FBXO46: variants seen among roughly 807,000 people sequenced by gnomAD.
FBXO46 encodes F-box only protein 46.
In FBXO46, 13 loss-of-function variants were observed where a neutral mutation model predicts 30.7. That is an observed-to-expected ratio of 0.42 (90% confidence interval 0.28 to 0.67). The LOEUF (loss-of-function observed/expected upper bound fraction) is 0.67, where lower values mean the gene tolerates loss of function less well. Among genes scored for constraint, FBXO46 ranks in the 30% least tolerant of loss-of-function variants. FBXO46 has a pLI of 0.21. For missense variants in FBXO46, 754 were observed against 871.5 expected (o/e 0.87, Z 1.70); for synonymous variants, 467 against 385.8 (o/e 1.21, Z -2.47).
At chr19:45,717,279 G>T (rs901285438) in intron 1 of FBXO46, 2 of 151,404 alleles carry the variant, frequency 1.3e-5, no homozygotes, top group African/African-American at 4.9e-5. Context: ...AGCCCCCCCA[G>T]GCGGCGGGAG....
At position 45,713,634 on chromosome 19, in the gene FBXO46, C is replaced by T; in HGVS notation, c.-78-61G>A. ...GACAGCCTTTCTTCCCAGGACCACC[C>T]CAACCTCCACCTCTCCTTAGACCAA... is the stretch of plus-strand genomic sequence containing the variant. On this transcript the variant is annotated intron_variant, in intron 1 of 1. Transcript: ENST00000317683. This position sits in a 1 kb window ranked among gnomAD's most constrained non-coding sequence, Gnocchi z 4.7. 1 of 669,212 alleles carries T rather than the reference C, an allele frequency of 1.5e-6. No homozygotes were observed. The highest frequency in any genetic ancestry group is 2.5e-6 in the Non-Finnish European group (1 of 392,982). 41.5% of individuals were successfully genotyped at this position (669,212 alleles called of 1,614,324 possible).
At chr19:45,732,266 C>G (rs1373743475), upstream of FBXO46, among the ~76,000 whole-genome samples, 1 of 152,068 alleles carries the variant, frequency 6.6e-6, no homozygotes, top group African/African-American at 2.4e-5. Flanking sequence ...ACAGACAACC[C>G]TGGTAGGAAT....
chr19:45,731,822 TTAAAA>T (rs955528270), upstream of FBXO46, among the ~76,000 whole-genome samples: 4 of 150,580 alleles, frequency 2.7e-5, no homozygotes, highest in African/African-American at 7.3e-5. Flanking sequence ...CTGCTGCCTC[TTAAAA>T]TAAAAGAAGG....
intron 1 of FBXO46, among the ~76,000 whole-genome samples, chr19:45,722,787 G>A (rs1968190850): frequency 6.6e-6 from 1 of 151,108 alleles, no homozygotes; most frequent in African/African-American, 2.4e-5. Flanking sequence ...TGGGCTGGGT[G>A]TGATGACTCA....
rs1006332274 is a variant in FBXO46 at position 45,712,760 on chromosome 19, G to A, written c.736C>T (p.Leu246Phe). 6.2e-7 allele frequency: 1 copy of A among 1,610,998 alleles called. No homozygotes were observed. The highest frequency in any genetic ancestry group is 8.5e-7 in the Non-Finnish European group (1 of 1,178,550). ...AQRDSPPTKG[L>F]RKEERPGPGP... The stretch of plus-strand genomic sequence containing the variant: ...GGCCCGGGCCGCTCTTCCTTGCGGA[G>A]GCCCTTGGTGGGAGGGCTGTCCCTC... The change falls in exon 2 of 2, where the codon CTC becomes TTC. Residue 246 changes from leucine (L) to phenylalanine (F), a missense_variant. By Grantham distance (22) the Leu-to-Phe change is conservative. Around this residue, in one of 5 missense-constraint regions of FBXO46, gnomAD observed 454 missense variants for 426.5 expected, o/e 1.06. Transcript: ENST00000317683. The surrounding 1 kb of genome is among the most constrained non-coding windows in gnomAD (Gnocchi z 8.8).
chr19:45,722,898 C>CA (rs1372852181), intron 1 of FBXO46, among the ~76,000 whole-genome samples: 1 of 151,674 alleles, frequency 6.6e-6, no homozygotes. Flanking sequence ...ACTAAAAATA[C>CA]AAAAAATTAG....
intron 1 of FBXO46, among the ~76,000 whole-genome samples, chr19:45,721,543 G>C (rs1168514061): frequency 7.0e-6 from 1 of 143,650 alleles, no homozygotes; most frequent in Non-Finnish European, 1.5e-5. Flanking sequence ...TTTCGTTCCT[G>C]GTCCTGTTCC....
intron 1 of FBXO46, among the ~76,000 whole-genome samples, chr19:45,714,230 G>A (rs1010302885): frequency 1.3e-5 from 2 of 152,126 alleles, no homozygotes; most frequent in African/African-American, 2.4e-5. Context: ...TGCTCACTCA[G>A]TAGCTCGTTC....
chr19:45,725,709 G>A (rs1436841412), intron 1 of FBXO46, among the ~76,000 whole-genome samples: 1 of 151,884 alleles, frequency 6.6e-6, no homozygotes, highest in African/African-American at 2.4e-5. Flanking sequence ...ACTCCAACCT[G>A]GGCAATAGAG....
At chr19:45,730,269 G>A (rs937125945) in intron 1 of FBXO46, among the ~76,000 whole-genome samples, 1 of 151,982 alleles carries the variant, frequency 6.6e-6, no homozygotes, top group Admixed American at 6.6e-5. Flanking sequence ...CCAGCTTACC[G>A]GGAGTCTCTG....
intron 1 of FBXO46, among the ~76,000 whole-genome samples, chr19:45,725,596 TG>T (rs1968227900): frequency 6.6e-6 from 1 of 151,864 alleles, no homozygotes; most frequent in African/African-American, 2.4e-5. Flanking sequence ...TAGCCGGGCA[TG>T]GTGGTGTGCG....
intron 1 of FBXO46, among the ~76,000 whole-genome samples, chr19:45,729,511 G>A (rs1264749867): frequency 2.6e-5 from 4 of 152,202 alleles, no homozygotes; most frequent in Admixed American, 6.5e-5. Flanking sequence ...TGCTTTGTTC[G>A]CTGTCTCTAC....
rs1968044795 is a variant in FBXO46 at position 45,713,909 on chromosome 19, A to G, written c.-78-336T>C. The stretch of plus-strand genomic sequence containing the variant: ...CTTGAACCTGGGAGGTGGAGGTTGC[A>G]GCGAGACCAGATGGCACCATTACAC... On this transcript the variant is annotated intron_variant, in intron 1 of 1. Transcript: ENST00000317683. The surrounding 1 kb of genome is among the most constrained non-coding windows in gnomAD (Gnocchi z 4.7). 6.8e-6 allele frequency among the ~76,000 whole-genome samples: 1 copy of G among 147,868 alleles called. No homozygotes were observed. The highest frequency in any genetic ancestry group is 2.5e-5 in the African/African-American group (1 of 39,856).
chr19:45,713,400 G>C lies in FBXO46; in HGVS notation c.96C>G (p.Leu32=), dbSNP rs1804264756. The C allele has an allele frequency of 1.2e-6, 2 of 1,609,742 alleles. No individual in the cohort carries two copies. Among genetic ancestry groups the C allele is most frequent in the Non-Finnish European group, 1.7e-6 (2 of 1,176,870 alleles). ...CAGGCTCAGGGCAGGCTGATGGCTT[G>C]AGGGCCGCAGAAGGCGGGCGTGGCT... ...QNQPRPPSAA[L]KPSACPEPGG... is the part of the protein sequence containing the mutation. The change falls in exon 2 of 2, where the codon CTC becomes CTG. Residue 32 remains leucine (L), a synonymous_variant. Coordinates refer to ENST00000317683, the MANE Select transcript of FBXO46 (RefSeq NM_001080469.2). This position sits in a 1 kb window ranked among gnomAD's most constrained non-coding sequence, Gnocchi z 4.7.
chr19:45,712,269 G>A lies in FBXO46; in HGVS notation c.1227C>T (p.Phe409=), dbSNP rs1967990274. Residue 409 remains phenylalanine (F), a synonymous_variant, in exon 2 of 2, where the codon TTC becomes TTT. Transcript: ENST00000317683. The surrounding 1 kb of genome is among the most constrained non-coding windows in gnomAD (Gnocchi z 8.8). ...PEEPPPPGQL[F]FLQNRGPDGP... ...CGTCCGGCCCGCGGTTCTGGAGAAA[G>A]AAGAGCTGGCCCGGAGGCGGCGGTT... 1.2e-6 allele frequency: 2 copies of A among 1,604,638 alleles called. No individual in the cohort carries two copies. Among genetic ancestry groups the A allele is most frequent in the Non-Finnish European group, 8.5e-7 (1 of 1,179,470 alleles).
At position 45,710,995 on chromosome 19, in the gene FBXO46, C is replaced by T. The variant is rs761105669; in HGVS notation, c.*689G>A. 12 of 230,690 alleles carry T rather than the reference C, an allele frequency of 5.2e-5. No individual in the cohort carries two copies. In the South Asian group the frequency reaches 5.5e-4, roughly 11 times the overall value. The allele number at this position is 230,690 out of a possible 1,614,324, so 14.3% of individuals were successfully genotyped here. ...TTGATGGCAGTAGCTTAAATAATAA[C>T]GGGAGGAGGAGGGTTTTTATACTTC... is the stretch of plus-strand genomic sequence containing the variant. On this transcript the variant is annotated 3_prime_UTR_variant, in exon 2 of 2. Coordinates refer to ENST00000317683, the MANE Select transcript of FBXO46 (RefSeq NM_001080469.2).
intron 1 of FBXO46, chr19:45,715,446 A>T (rs777196683): frequency 3.3e-5 from 5 of 152,202 alleles, no homozygotes; most frequent in Non-Finnish European, 7.3e-5. Flanking sequence ...AGCTTAAAAT[A>T]CCCATTATCT....
chr19:45,720,187 G>A (rs1463343013), intron 1 of FBXO46, among the ~76,000 whole-genome samples: 8 of 151,808 alleles, frequency 5.3e-5, no homozygotes, highest in South Asian at 2.1e-4. Flanking sequence ...GTAACGGTGC[G>A]ATCTCGGCTC....
At chr19:45,715,611 A>C (rs914267592) in intron 1 of FBXO46, 5 of 152,204 alleles carry the variant, frequency 3.3e-5, no homozygotes, top group African/African-American at 1.2e-4. Flanking sequence ...ATTCGAGATC[A>C]GCCTGGCTAA....
Sources: gnomAD v4.1 joint callset for allele counts (sites outside exome capture counted in the v4.1 genomes callset) on GRCh38, gnomAD v4.1.1 for gene constraint, gnomAD v4.1.1 regional missense constraint, Gnocchi (gnomAD v3.1) non-coding constraint, MANE v1.5 for transcripts, NCBI Gene and HGNC (gene_info 2026-07-23, HGNC 2026-07-21) for gene names.